The following RNF216 variants were observed in gnomAD, a reference collection of about 807,000 sequenced individuals.
RNF216 encodes E3 ubiquitin-protein ligase RNF216.
Under a neutral mutation model 110.8 loss-of-function variants are expected in RNF216, and 72 were observed. The ratio of observed to expected loss-of-function variants is 0.65; its 90% CI spans 0.54 to 0.79. The LOEUF is 0.79. RNF216 is among the 30% of genes least tolerant of loss of function. RNF216 has a pLI of 0.00. For missense variants in RNF216, 1,342 were observed against 1,141.2 expected (o/e 1.18, Z -2.54); for synonymous variants, 495 against 407.5 (o/e 1.21, Z -2.59).
In RNF216 at chr7:5,773,246, A is replaced by AT. The variant is rs762663731; in HGVS notation, c.-70+8294dup. Among the ~76,000 whole-genome samples the AT allele has an allele frequency of 7.9e-3, 1,139 of 144,470 alleles. 9 individuals are homozygous for AT. Among genetic ancestry groups the AT allele is most frequent in the African/African-American group, 0.021 (838 of 39,534 alleles). 94.8% of individuals were successfully genotyped at this position (144,470 alleles called of 152,430 possible). On this transcript the variant is annotated intron_variant, in intron 1 of 16. Transcript: ENST00000389902. ...AAGTCCTTTTTTTTCCCCAAATAAG[A>AT]TTTTTTTTTTTTTTGAGACAGAGTC...
chr7:5,769,501 C>A (rs1469584588), intron 1 of RNF216, among the ~76,000 whole-genome samples: 1 of 150,658 alleles, frequency 6.6e-6, no homozygotes. Flanking sequence ...GGTGGGCGGA[C>A]TGCTTGAGCT....
intron 13 of RNF216, among the ~76,000 whole-genome samples, chr7:5,675,055 A>G (rs372835427): frequency 6.6e-6 from 1 of 152,206 alleles, no homozygotes. Context: ...CAGAATGGCA[A>G]CTGCTGAAAA....
intron 13 of RNF216, 142 bp downstream of exon 13, chr7:5,711,619 G>A (rs3735289): frequency 0.94 from 647,254 of 687,486 alleles, 305,084 homozygotes; most frequent in Middle Eastern, 0.96. Context: ...CAAAGTACTC[G>A]TCCTCATTTG....
chr7:5,686,538 G>C (rs1790997128), intron 13 of RNF216, among the ~76,000 whole-genome samples: 1 of 152,178 alleles, frequency 6.6e-6, no homozygotes, highest in Admixed American at 6.5e-5. Context: ...GCTGAGGCAG[G>C]GAAGCCAAAT....
intron 15 of RNF216, among the ~76,000 whole-genome samples, chr7:5,630,781 C>T (rs1192834430): frequency 6.6e-6 from 1 of 152,222 alleles, no homozygotes; most frequent in Non-Finnish European, 1.5e-5. Context: ...CCTGTCTACA[C>T]ACCTCACATG....
intron 4 of RNF216, among the ~76,000 whole-genome samples, chr7:5,739,863 C>T (rs1252822249): frequency 6.6e-6 from 1 of 151,754 alleles, no homozygotes; most frequent in African/African-American, 2.4e-5. Context: ...ATTAGCCAGA[C>T]GTGGTGGTAT....
intron 5 of RNF216, among the ~76,000 whole-genome samples, chr7:5,733,884 T>C (rs1794236153): frequency 6.6e-6 from 1 of 152,232 alleles, no homozygotes; most frequent in Non-Finnish European, 1.5e-5. Context: ...AGTTGCTTTT[T>C]AGATGAGTAG....
In RNF216 at chr7:5,752,386, T is replaced by C. The variant is rs192095688; in HGVS notation, c.201+460A>G. On this transcript the variant is annotated intron_variant, in intron 3 of 16. Transcript: ENST00000389902. ...TTGTTCTTGGTTAGAAAGAGTAGTA[T>C]CATAAAAATTGCTCTATAAATATAA... Among the ~76,000 whole-genome samples the C allele has an allele frequency of 7.9e-5, 12 of 152,270 alleles. No homozygotes were observed. The East Asian group carries it at 2.3e-3, about 29-fold the overall frequency.
chr7:5,751,900 T>TG (rs1488520198), intron 3 of RNF216, among the ~76,000 whole-genome samples: 1 of 111,726 alleles, frequency 9.0e-6, no homozygotes, highest in African/African-American at 3.5e-5. Context: ...AAAAGTACAA[T>TG]GAAAGGGCCA....
At position 5,660,099 on chromosome 7, in the gene RNF216, C is replaced by T. The variant is rs115497536; in HGVS notation, c.2062-7589G>A. 9.5e-4 allele frequency among the ~76,000 whole-genome samples: 143 copies of T among 151,292 alleles called. 1 individual carries two copies. Among genetic ancestry groups the T allele is most frequent in the African/African-American group, 3.3e-3 (138 of 41,306 alleles). On this transcript the variant is annotated intron_variant, in intron 13 of 16. Transcript: ENST00000389902. ...TCTTCCGAGTAGCTCGGACTATGAA[C>T]ACGTGCCACCACAGCTAAATTTTGT...
At chr7:5,664,037 C>T (rs914961033) in intron 13 of RNF216, among the ~76,000 whole-genome samples, 5 of 152,140 alleles carry the variant, frequency 3.3e-5, no homozygotes, top group Non-Finnish European at 7.3e-5. Context: ...AACCACCGTA[C>T]ATCTCAGGTA....
chr7:5,716,453 T>C (rs1562423257), intron 10 of RNF216, among the ~76,000 whole-genome samples: 1 of 152,092 alleles, frequency 6.6e-6, no homozygotes, highest in African/African-American at 2.4e-5. Flanking sequence ...AGTTGTAAAC[T>C]TTCCTTTATG....
Position 5,730,827 on chromosome 7 carries a change from C to T in RNF216, c.1122-10G>A, listed in dbSNP as rs1442574677. The T allele has an allele frequency of 1.3e-6, 2 of 1,570,174 alleles. No individual in the cohort carries two copies. Among genetic ancestry groups the T allele is most frequent in the South Asian group, 1.1e-5 (1 of 87,184 alleles). On this transcript the variant is annotated splice_polypyrimidine_tract_variant and intron_variant, in intron 5 of 16. Transcript: ENST00000389902. ...AAGAAAATTACAAAGTCTGCAGAAA[C>T]AAATGATGTTACTTTCATACTGCTT...
intron 1 of RNF216, among the ~76,000 whole-genome samples, chr7:5,771,296 A>G (rs1006215454): frequency 5.9e-5 from 9 of 152,196 alleles, no homozygotes; most frequent in Admixed American, 2.0e-4. Context: ...GAAAGGTAAA[A>G]TAAGTTTCTA....
At chr7:5,695,658 C>T (rs1173033714) in intron 13 of RNF216, among the ~76,000 whole-genome samples, 2 of 152,174 alleles carry the variant, frequency 1.3e-5, no homozygotes, top group African/African-American at 2.4e-5. Flanking sequence ...GGAAAGTTGT[C>T]ATTTGTTGTG....
chr7:5,752,943 G>T lies in RNF216; in HGVS notation c.104C>A (p.Ser35Tyr). 1 of 1,611,820 alleles carries T rather than the reference G, an allele frequency of 6.2e-7. No individual in the cohort carries two copies. Among genetic ancestry groups the T allele is most frequent in the African/African-American group, 1.3e-5 (1 of 75,014 alleles). Residue 35 changes from serine (S) to tyrosine (Y), a missense_variant, in exon 3 of 17, where the codon TCT becomes TAT. Transcript: ENST00000389902. ...INLRDGPITI[S>Y]DSSDEERIPM... Reference sequence around the variant, plus strand: ...AATCCTTTCCTCATCTGAGGAGTCAGATATGGTGATGGGCCCATCTCGGAG... The same window carrying T: ...AATCCTTTCCTCATCTGAGGAGTCATATATGGTGATGGGCCCATCTCGGAG...
At chr7:5,702,850 G>A (rs1426600014) in intron 13 of RNF216, among the ~76,000 whole-genome samples, 1 of 152,196 alleles carries the variant, frequency 6.6e-6, no homozygotes, top group Non-Finnish European at 1.5e-5. Context: ...ACGGAAGGGA[G>A]GCTCACAGGG....
At chr7:5,627,407 C>T (rs1365782458) in intron 15 of RNF216, among the ~76,000 whole-genome samples, 1 of 152,158 alleles carries the variant, frequency 6.6e-6, no homozygotes, top group East Asian at 1.9e-4. Context: ...AACGTTCCAA[C>T]GGGCACCTCT....
chr7:5,651,334 C>A (rs938737500), intron 14 of RNF216, among the ~76,000 whole-genome samples: 12 of 151,280 alleles, frequency 7.9e-5, no homozygotes, highest in Admixed American at 6.6e-4. Flanking sequence ...TCAAGCAATT[C>A]TCTTGCCTTA....
Sources: gnomAD v4.1 joint callset for allele counts (sites outside exome capture counted in the v4.1 genomes callset) on GRCh38, gnomAD v4.1.1 for gene constraint, MANE v1.5 for transcripts, NCBI Gene and HGNC (gene_info 2026-07-23, HGNC 2026-07-21) for gene names.